Variants in TENM3 observed in about 807,000 individuals in gnomAD.
TENM3 encodes the protein teneurin transmembrane protein 3, also known as teneurin-3.
In TENM3, 63 loss-of-function variants were observed where a neutral mutation model predicts 255.1. The observed-to-expected ratio is 0.25, with a 90% CI of 0.20 to 0.30. TENM3 has a LOEUF of 0.30. TENM3 is among the 10% of genes least tolerant of loss of function. TENM3 has a pLI of 1.00. For synonymous variants in TENM3, 1,306 were observed against 1,322.3 expected (o/e 0.99, Z 0.27); for missense variants, 2,929 against 3,461.1 (o/e 0.85, Z 3.86).
At chr4:181,574,496 AGT>A in the TENM3 span, among the ~76,000 whole-genome samples, 146 of 151,432 alleles carry the variant, frequency 9.6e-4, 1 homozygote, top group Non-Finnish European at 1.6e-3. Flanking sequence ...GTGCCACTGC[AGT>A]CCGCAGTCCG....
chr4:182,094,513 T>C, the TENM3 span, among the ~76,000 whole-genome samples: 1 of 152,206 alleles, frequency 6.6e-6, no homozygotes, highest in East Asian at 1.9e-4. Context: ...CCCAAAGTGC[T>C]GGGATTACAG....
At chr4:181,864,661 A>T in the TENM3 span, among the ~76,000 whole-genome samples, 1 of 152,134 alleles carries the variant, frequency 6.6e-6, no homozygotes, top group African/African-American at 2.4e-5. Flanking sequence ...CAAATAAAAT[A>T]GGGGAGATAT....
At chr4:181,881,129 G>A in the TENM3 span, among the ~76,000 whole-genome samples, 3 of 152,058 alleles carry the variant, frequency 2.0e-5, no homozygotes, top group Non-Finnish European at 4.4e-5. Context: ...CTCCATTTAA[G>A]GATAATTCAT....
the TENM3 span, among the ~76,000 whole-genome samples, chr4:181,470,127 A>AAAAAAAAAAG: frequency 2.7e-4 from 38 of 138,810 alleles, no homozygotes; most frequent in Middle Eastern, 3.8e-3. Context: ...AAAAAAAAAC[A>AAAAAAAAAAG]TTATTCAAAA....
the TENM3 span, among the ~76,000 whole-genome samples, chr4:181,457,626 T>C: frequency 2.1e-3 from 320 of 151,998 alleles, 1 homozygote; most frequent in African/African-American, 7.3e-3. Context: ...CTATTTTCAT[T>C]GATTTTTTTC....
chr4:181,669,388 CTGTT>C, the TENM3 span, among the ~76,000 whole-genome samples: 2 of 152,158 alleles, frequency 1.3e-5, no homozygotes, highest in Non-Finnish European at 2.9e-5. Flanking sequence ...TGGACCAAGA[CTGTT>C]TGGCTCCAGA....
rs116464011 is a variant in TENM3, at chr4:182,297,905, T to C, written c.-75-26041T>C. On this transcript the variant is annotated intron_variant, in intron 1 of 27. Coordinates refer to ENST00000511685, the MANE Select transcript of TENM3 (RefSeq NM_001080477.4). ...TGTTACTCCTTCCCATTCACACTCA[T>C]GGACTTTCTCAGGCCTCTCCTCTGC... Among the ~76,000 whole-genome samples the C allele has an allele frequency of 9.3e-3, 1,422 of 152,334 alleles. 22 individuals carry two copies. Among genetic ancestry groups the C allele is most frequent in the African/African-American group, 0.033 (1,372 of 41,576 alleles).
At chr4:182,395,334 A>G (rs574153972) in intron 3 of TENM3, among the ~76,000 whole-genome samples, 1 of 152,284 alleles carries the variant, frequency 6.6e-6, no homozygotes, top group East Asian at 1.9e-4. Context: ...TTATGACCAC[A>G]AAATTATATA....
At chr4:182,720,170 A>G (rs902032701) in intron 13 of TENM3, among the ~76,000 whole-genome samples, 1 of 152,182 alleles carries the variant, frequency 6.6e-6, no homozygotes, top group Non-Finnish European at 1.5e-5. Flanking sequence ...TAATATAAAC[A>G]TGAGAATGAG....
chr4:181,512,950 C>CTATAA, the TENM3 span, among the ~76,000 whole-genome samples: 7 of 152,070 alleles, frequency 4.6e-5, no homozygotes, highest in Non-Finnish European at 1.0e-4. Context: ...CTTTTTGAGA[C>CTATAA]TATAATTGTT....
chr4:182,155,752 G>A (rs1750661630), intron 1 of TENM3, among the ~76,000 whole-genome samples: 1 of 151,986 alleles, frequency 6.6e-6, no homozygotes, highest in Non-Finnish European at 1.5e-5. Context: ...TGAATTTATT[G>A]CTAGTAAAAC....
At position 182,800,449 on chromosome 4, in the gene TENM3, G is replaced by T. The variant is rs1424893002; in HGVS notation, c.*98G>T. ...TCCAACGCCCAAGAGCCTTCCTCCCGGGGGAATGAGACTGCTGTTACGACC... is the reference window on the plus strand; with the variant it reads ...TCCAACGCCCAAGAGCCTTCCTCCCTGGGGAATGAGACTGCTGTTACGACC... On this transcript the variant is annotated 3_prime_UTR_variant, in exon 28 of 28. Transcript: ENST00000511685. 7.2e-7 allele frequency: 1 copy of T among 1,383,336 alleles called. No individual in the cohort carries two copies. The highest frequency in any genetic ancestry group is 1.5e-5 in the African/African-American group (1 of 67,642). The allele number at this position is 1,383,336 out of a possible 1,614,324, so 85.7% of individuals were successfully genotyped here.
At chr4:182,213,927 G>A (rs1010968428) in intron 1 of TENM3, among the ~76,000 whole-genome samples, 7 of 151,756 alleles carry the variant, frequency 4.6e-5, no homozygotes, top group Non-Finnish European at 7.4e-5. Context: ...TCAGCCTCCC[G>A]AGTAGCTGGG....
intron 24 of TENM3, among the ~76,000 whole-genome samples, chr4:182,775,372 T>C (rs905716512): frequency 6.6e-6 from 1 of 151,814 alleles, no homozygotes; most frequent in Admixed American, 6.6e-5. Flanking sequence ...GAAAAAGCAA[T>C]AGGACACTAG....
chr4:182,486,540 A>G (rs1734741094), intron 3 of TENM3, among the ~76,000 whole-genome samples: 1 of 152,202 alleles, frequency 6.6e-6, no homozygotes, highest in Admixed American at 6.5e-5. Context: ...TTCTCATATA[A>G]TGAACAGTTA....
At chr4:182,679,976 G>T (rs1163249377) in intron 8 of TENM3, 100 bp downstream of exon 8, 6 of 1,034,774 alleles carry the variant, frequency 5.8e-6, no homozygotes, top group East Asian at 2.6e-5. Flanking sequence ...AATTCCTAGG[G>T]TGTTAAAGCC....
At chr4:182,585,153 ATACTT>A (rs1745889585) in intron 3 of TENM3, among the ~76,000 whole-genome samples, 1 of 152,216 alleles carries the variant, frequency 6.6e-6, no homozygotes, top group Non-Finnish European at 1.5e-5. Flanking sequence ...GTTTATAAAA[ATACTT>A]TAATATACAT....
intron 3 of TENM3, among the ~76,000 whole-genome samples, chr4:182,496,947 C>T (rs552165887): frequency 1.1e-3 from 162 of 152,178 alleles, no homozygotes; most frequent in African/African-American, 3.8e-3. Context: ...ACCAGAATAA[C>T]GTGAAAAATG....
the TENM3 span, among the ~76,000 whole-genome samples, chr4:181,820,540 C>G: frequency 2.0e-5 from 3 of 151,900 alleles, no homozygotes; most frequent in Admixed American, 1.3e-4. Flanking sequence ...AAAGCCTTCA[C>G]CCCTCAGCAT....
Sources: gnomAD v4.1 joint callset for allele counts (sites outside exome capture counted in the v4.1 genomes callset) on GRCh38, gnomAD v4.1.1 for gene constraint, MANE v1.5 for transcripts, NCBI Gene and HGNC (gene_info 2026-07-23, HGNC 2026-07-21) for gene names.